ZBTB20: variants seen among roughly 807,000 people sequenced by gnomAD.
The protein encoded by ZBTB20 is zinc finger and BTB domain-containing protein 20.
Under a neutral mutation model 56.9 loss-of-function variants are expected in ZBTB20, and 9 were observed. The ratio of observed to expected loss-of-function variants is 0.16; its 90% confidence interval spans 0.10 to 0.28. ZBTB20 has a LOEUF of 0.28. Among genes scored for constraint, ZBTB20 ranks in the 10% least tolerant of loss-of-function variants. The pLI, the probability that ZBTB20 is intolerant of heterozygous loss-of-function variation, is 1.00. For synonymous variants in ZBTB20, 417 were observed against 420.7 expected (o/e 0.99, Z 0.11); for missense variants, 655 against 1,003.0 (o/e 0.65, Z 4.69).
chr3:114,687,263 CT>C (rs2062400216), intron 6 of ZBTB20: 1 of 142,288 alleles, frequency 7.0e-6, no homozygotes, highest in Admixed American at 7.0e-5. Flanking sequence ...TCCTTACTCT[CT>C]TTCCTTTCCA....
chr3:114,917,070 TC>T (rs1386773130), intron 3 of ZBTB20, among the ~76,000 whole-genome samples: 2 of 152,254 alleles, frequency 1.3e-5, no homozygotes, highest in Non-Finnish European at 2.9e-5. Context: ...TTTTATTCTG[TC>T]CTTTTGTCTC....
chr3:114,351,303 G>T lies in ZBTB20; in HGVS notation c.775C>A (p.Arg259Ser), dbSNP rs778897614. The change falls in exon 11 of 12, where the codon CGC becomes AGC. Residue 259 changes from arginine to serine, a missense_variant. Transcript: ENST00000675478. The stretch of plus-strand genomic sequence containing the variant: ...ACCACTGCGCCGCTGTAAAAAGAGC[G>T]CTCGCCGCTGCCATTCTGCATGGAG... ...ACSMQNGSGE[R>S]SFYSGAVVSH... The T allele has an allele frequency of 1.2e-6, 2 of 1,605,002 alleles. No individual in the cohort carries two copies. Among genetic ancestry groups the T allele is most frequent in the Non-Finnish European group, 1.7e-6 (2 of 1,178,922 alleles).
At chr3:115,146,782 C>T (rs1262970763) in intron 1 of ZBTB20, among the ~76,000 whole-genome samples, 1 of 152,142 alleles carries the variant, frequency 6.6e-6, no homozygotes, top group Non-Finnish European at 1.5e-5. Flanking sequence ...CTCCTGAGCC[C>T]CGGCTAGTCC....
At chr3:114,582,331 C>A (rs909697276) in intron 6 of ZBTB20, 1 of 151,936 alleles carries the variant, frequency 6.6e-6, no homozygotes, top group Admixed American at 6.6e-5. Flanking sequence ...CTTCGTTTAA[C>A]CTGGGTTCTG....
intron 3 of ZBTB20, among the ~76,000 whole-genome samples, chr3:114,949,410 A>G (rs2076987568): frequency 6.8e-6 from 1 of 146,540 alleles, no homozygotes. Context: ...GATAGAAAAT[A>G]CTAACACTAA....
At position 114,593,045 on chromosome 3, in the gene ZBTB20, T is replaced by G. The variant is rs983564723; in HGVS notation, c.-294-92654A>C. Among the ~76,000 whole-genome samples, 5 of 152,142 alleles carry G rather than the reference T, an allele frequency of 3.3e-5. No homozygotes were observed. The South Asian group carries it at 1.0e-3, about 32-fold the overall frequency. On this transcript the variant is annotated intron_variant, in intron 6 of 11. Coordinates refer to ENST00000675478, the MANE Select transcript of ZBTB20 (RefSeq NM_001348800.3). ...AACTGAAAAGTGTATGTTTTATAAT[T>G]ATTGAGTAAAAGAGGATTTTCATTA...
intron 7 of ZBTB20, among the ~76,000 whole-genome samples, chr3:114,426,114 T>A (rs2089634080): frequency 6.6e-6 from 1 of 152,142 alleles, no homozygotes; most frequent in South Asian, 2.1e-4. Flanking sequence ...GGTGGGCGGA[T>A]CATGAGGTCA....
At chr3:114,726,785 A>G (rs915266100) in intron 5 of ZBTB20, among the ~76,000 whole-genome samples, 1 of 151,726 alleles carries the variant, frequency 6.6e-6, no homozygotes, top group Non-Finnish European at 1.5e-5. Flanking sequence ...GGTGGCAGGC[A>G]CCTGTAGTCC....
chr3:115,056,819 G>T (rs1432723449), intron 2 of ZBTB20, among the ~76,000 whole-genome samples: 1 of 152,010 alleles, frequency 6.6e-6, no homozygotes, highest in Non-Finnish European at 1.5e-5. Context: ...GGGTGTTTGG[G>T]CTTAATATGA....
chr3:114,881,985 C>T (rs2107590228), intron 4 of ZBTB20, among the ~76,000 whole-genome samples: 1 of 151,794 alleles, frequency 6.6e-6, no homozygotes, highest in Non-Finnish European at 1.5e-5. Flanking sequence ...AATGAAACTA[C>T]ATAAAAAATT....
intron 6 of ZBTB20, among the ~76,000 whole-genome samples, chr3:114,521,292 G>T (rs1411536956): frequency 2.0e-5 from 3 of 152,108 alleles, no homozygotes; most frequent in Admixed American, 6.6e-5. Context: ...AAATGATTTT[G>T]CCAAGGTCAC....
At chr3:114,437,613 G>A (rs1308818575) in intron 7 of ZBTB20, among the ~76,000 whole-genome samples, 3 of 152,140 alleles carry the variant, frequency 2.0e-5, no homozygotes, top group Non-Finnish European at 4.4e-5. Context: ...GTAATAGGAA[G>A]TATTTTATAG....
At chr3:115,045,064 G>T (rs1180781707) in intron 2 of ZBTB20, among the ~76,000 whole-genome samples, 2 of 152,138 alleles carry the variant, frequency 1.3e-5, no homozygotes, top group Non-Finnish European at 2.9e-5. Context: ...AAATACAGCA[G>T]CAAATCATAC....
At chr3:114,646,424 C>T (rs962497473) in intron 6 of ZBTB20, among the ~76,000 whole-genome samples, 6 of 152,144 alleles carry the variant, frequency 3.9e-5, no homozygotes, top group African/African-American at 1.4e-4. Flanking sequence ...CAAGAGAAAA[C>T]TCCATTAGGA....
intron 6 of ZBTB20, among the ~76,000 whole-genome samples, chr3:114,615,423 G>A (rs1206805862): frequency 7.2e-5 from 11 of 152,152 alleles, no homozygotes; most frequent in Admixed American, 7.2e-4. Context: ...GTGAGCATGG[G>A]TCAAGGCAAA....
At position 114,467,918 on chromosome 3, in the gene ZBTB20, G is replaced by C. The variant is rs1393230378; in HGVS notation, c.-255+32434C>G. Among the ~76,000 whole-genome samples the C allele has an allele frequency of 2.0e-5, 3 of 152,274 alleles. No homozygotes were observed. The South Asian group carries it at 6.2e-4, about 32-fold the overall frequency. On this transcript the variant is annotated intron_variant, in intron 7 of 11. Transcript: ENST00000675478. The stretch of plus-strand genomic sequence containing the variant: ...TCAGAAAAATTTCCATAAATGCTTG[G>C]ATGGCTTTTACCTGGGAGCACTCCT...
chr3:114,386,025 C>T (rs1332808513), intron 8 of ZBTB20, among the ~76,000 whole-genome samples: 2 of 152,208 alleles, frequency 1.3e-5, no homozygotes, highest in East Asian at 3.8e-4. Context: ...CATCTCCTTT[C>T]TGCTCACATG....
chr3:115,102,128 G>A (rs2083603389), intron 1 of ZBTB20, among the ~76,000 whole-genome samples: 1 of 152,080 alleles, frequency 6.6e-6, no homozygotes, highest in Non-Finnish European at 1.5e-5. Context: ...TTTCTAGTAA[G>A]AAACCAAGAG....
At chr3:114,389,887 C>CAAAAAAA (rs34247337) in intron 7 of ZBTB20, among the ~76,000 whole-genome samples, 12 of 77,594 alleles carry the variant, frequency 1.5e-4, no homozygotes, top group African/African-American at 1.7e-4. Context: ...GAGTCCATCT[C>CAAAAAAA]AAAAAAAAAA....
Sources: gnomAD v4.1 joint callset for allele counts (sites outside exome capture counted in the v4.1 genomes callset) on GRCh38, gnomAD v4.1.1 for gene constraint, MANE v1.5 for transcripts, NCBI Gene and HGNC (gene_info 2026-07-23, HGNC 2026-07-21) for gene names.